The following NMT2 variants were observed in gnomAD, a reference collection of about 807,000 sequenced individuals.
NMT2 encodes the protein glycylpeptide N-tetradecanoyltransferase 2.
NMT2 carries 35 observed loss-of-function variants against 65.4 expected under a neutral mutation model. That is an observed-to-expected ratio of 0.54 (90% CI 0.41 to 0.71). NMT2 has a LOEUF of 0.71. Among genes scored for constraint, NMT2 ranks in the 30% least tolerant of loss-of-function variants. The pLI is 0.00. For synonymous variants in NMT2, 226 were observed against 231.8 expected (o/e 0.98, Z 0.23); for missense variants, 489 against 611.3 (o/e 0.80, Z 2.11).
intron 1 of NMT2, among the ~76,000 whole-genome samples, chr10:15,146,966 G>A (rs976359559): frequency 1.6e-4 from 24 of 151,866 alleles, no homozygotes; most frequent in Admixed American, 1.2e-3. Context: ...GGTGACATGT[G>A]CCTGTAGTCC....
Position 15,107,739 on chromosome 10 carries a change from G to A in NMT2, c.*1456C>T, listed in dbSNP as rs1247919152. The stretch of plus-strand genomic sequence containing the variant: ...CAAAGTGCTGGGATTACAGGCGTGA[G>A]CCACCACACCCAGCCAAGGCATCTA... On this transcript the variant is annotated 3_prime_UTR_variant, in exon 12 of 12. Transcript: ENST00000378165. 29 of 984,082 alleles carry A rather than the reference G, an allele frequency of 2.9e-5. No homozygotes were observed. Among genetic ancestry groups the A allele is most frequent in the Non-Finnish European group, 3.5e-5 (29 of 828,818 alleles). The allele number at this position is 984,082 out of a possible 1,614,324, so 61.0% of individuals were successfully genotyped here.
chr10:15,149,476 C>G (rs1263089209), intron 1 of NMT2, among the ~76,000 whole-genome samples: 2 of 8,878 alleles, frequency 2.3e-4, no homozygotes, highest in Non-Finnish European at 5.6e-4. Context: ...TCACCATCAT[C>G]ACCACCATCA....
chr10:15,141,693 G>T lies in NMT2; in HGVS notation c.111-136C>A, dbSNP rs563656565. 6.2e-5 allele frequency: 74 copies of T among 1,195,328 alleles called. No homozygotes were observed. In the African/African-American group the frequency reaches 8.7e-4, roughly 14 times the overall value. 74.0% of individuals were successfully genotyped at this position (1,195,328 alleles called of 1,614,324 possible). A position where few individuals can be genotyped will look rare whatever the true frequency, so the allele number is the denominator to read the frequency against. ...AAAATAACTGTGTTAGGATGTAGGTGAGGAATAAAAGGTAGTGGAGTGAAG... is the reference window on the plus strand; with the variant it reads ...AAAATAACTGTGTTAGGATGTAGGTTAGGAATAAAAGGTAGTGGAGTGAAG... On this transcript the variant is annotated intron_variant, in intron 1 of 11. Transcript: ENST00000378165.
At chr10:15,130,728 G>A (rs374476659) in intron 6 of NMT2, among the ~76,000 whole-genome samples, 569 of 91,658 alleles carry the variant, frequency 6.2e-3, no homozygotes, top group Middle Eastern at 0.036. Context: ...AAAAAAAAAA[G>A]AAAAGAAAGA....
Position 15,107,933 on chromosome 10 carries a change from G to C in NMT2, c.*1262C>G. 1 of 985,510 alleles carries C rather than the reference G, an allele frequency of 1.0e-6. No individual in the cohort carries two copies. The allele number at this position is 985,510 out of a possible 1,614,324, so 61.0% of individuals were successfully genotyped here. ...ATTATGAATACTTATTTACAAATAA[G>C]ACATTTTCCATTAGCATGACACATG... On this transcript the variant is annotated 3_prime_UTR_variant, in exon 12 of 12. Transcript: ENST00000378165.
chr10:15,142,553 G>A (rs1443876217), intron 1 of NMT2, among the ~76,000 whole-genome samples: 1 of 152,070 alleles, frequency 6.6e-6, no homozygotes, highest in Non-Finnish European at 1.5e-5. Flanking sequence ...CAGAGCTGGA[G>A]AAAAAGAAAA....
At chr10:15,154,896 T>C in intron 1 of NMT2, 1 of 874,390 alleles carries the variant, frequency 1.1e-6, no homozygotes. Context: ...GATGCCTTCT[T>C]TCACCCTGCC....
In NMT2 at chr10:15,108,439, C is replaced by T; in HGVS notation, c.*756G>A. 1 of 867,736 alleles carries T rather than the reference C, an allele frequency of 1.2e-6. No homozygotes were observed. Among genetic ancestry groups the T allele is most frequent in the Non-Finnish European group, 1.4e-6 (1 of 722,576 alleles). The allele number at this position is 867,736 out of a possible 1,614,324, so 53.8% of individuals were successfully genotyped here. ...TGACCTCATGATCTGCCCACCTTGG[C>T]CTCCCAAAGTGCTGGGATTACAGGC... On this transcript the variant is annotated 3_prime_UTR_variant, in exon 12 of 12. Transcript: ENST00000378165.
chr10:15,166,025 C>T (rs61844197), intron 1 of NMT2, among the ~76,000 whole-genome samples: 13,857 of 152,040 alleles, frequency 0.091, 776 homozygotes, highest in East Asian at 0.13. Flanking sequence ...ATCTATAAAA[C>T]GAAATACCCT....
chr10:15,118,351 C>T (rs370011649), intron 9 of NMT2, among the ~76,000 whole-genome samples: 4 of 152,114 alleles, frequency 2.6e-5, no homozygotes, highest in African/African-American at 9.7e-5. Context: ...CAAGCCTGAC[C>T]AACATGGTGA....
chr10:15,114,580 C>T (rs1845684307), intron 9 of NMT2, among the ~76,000 whole-genome samples: 4 of 152,154 alleles, frequency 2.6e-5, no homozygotes, highest in Admixed American at 1.3e-4. Flanking sequence ...ATACACTGTT[C>T]CAGAGAAAAG....
chr10:15,146,978 A>T (rs1332621915), intron 1 of NMT2, among the ~76,000 whole-genome samples: 1 of 151,836 alleles, frequency 6.6e-6, no homozygotes, highest in Non-Finnish European at 1.5e-5. Context: ...CTGTAGTCCC[A>T]GCTACCTGGG....
chr10:15,136,854 A>G (rs1438302962), intron 2 of NMT2, among the ~76,000 whole-genome samples: 1 of 150,832 alleles, frequency 6.6e-6, no homozygotes, highest in African/African-American at 2.5e-5. Flanking sequence ...AATTCCTCAA[A>G]TAACGTAATA....
At chr10:15,110,676 T>A (rs536848968) in intron 10 of NMT2, among the ~76,000 whole-genome samples, 2 of 152,298 alleles carry the variant, frequency 1.3e-5, no homozygotes, top group Non-Finnish European at 2.9e-5. Context: ...GAAGTCAGCA[T>A]GAAAATTCAG....
chr10:15,148,001 A>G (rs1847022870), intron 1 of NMT2, among the ~76,000 whole-genome samples: 1 of 152,254 alleles, frequency 6.6e-6, no homozygotes, highest in South Asian at 2.1e-4. Context: ...ACCAGCCAGA[A>G]TATATACAAA....
intron 1 of NMT2, among the ~76,000 whole-genome samples, chr10:15,166,232 T>A (rs12245557): frequency 0.12 from 18,086 of 152,172 alleles, 3,073 homozygotes; most frequent in African/African-American, 0.38. Flanking sequence ...ATGAATTCTT[T>A]CAGGCCACAA....
intron 8 of NMT2, 63 bp from the exon 9 acceptor site, chr10:15,119,576 G>A: frequency 6.9e-7 from 1 of 1,454,148 alleles, no homozygotes; most frequent in Non-Finnish European, 9.6e-7. Context: ...AAACGACTTT[G>A]CACTCAAAGT....
chr10:15,119,279 T>C, intron 9 of NMT2, 64 bp downstream of exon 9: 1 of 1,434,828 alleles, frequency 7.0e-7, no homozygotes, highest in Non-Finnish European at 9.7e-7. Context: ...TAAATAATTC[T>C]GCTGCACGCT....
At chr10:15,143,967 A>G (rs1347812750) in intron 1 of NMT2, among the ~76,000 whole-genome samples, 1 of 152,182 alleles carries the variant, frequency 6.6e-6, no homozygotes, top group Non-Finnish European at 1.5e-5. Context: ...ATACCAGACT[A>G]TTTCACCAAA....
Sources: gnomAD v4.1 joint callset for allele counts (sites outside exome capture counted in the v4.1 genomes callset) on GRCh38, gnomAD v4.1.1 for gene constraint, MANE v1.5 for transcripts, NCBI Gene and HGNC (gene_info 2026-07-23, HGNC 2026-07-21) for gene names.